PTPRD: variants seen among roughly 807,000 people sequenced by gnomAD.
PTPRD encodes the protein protein tyrosine phosphatase receptor type D.
Under a neutral mutation model 214.5 loss-of-function variants are expected in PTPRD, and 34 were observed. The ratio of observed to expected loss-of-function variants is 0.16; its 90% CI spans 0.12 to 0.21. The LOEUF is 0.21. Ranked by LOEUF, PTPRD falls within the 10% of genes least tolerant of loss-of-function variation. PTPRD has a pLI of 1.00. For missense variants in PTPRD, 2,545 were observed against 2,398.7 expected (o/e 1.06, Z -1.27); for synonymous variants, 1,128 against 845.7 (o/e 1.33, Z -5.79).
chr9:10,010,594 T>C (rs1363349503), intron 4 of PTPRD, among the ~76,000 whole-genome samples: 1 of 151,800 alleles, frequency 6.6e-6, no homozygotes, highest in Non-Finnish European at 1.5e-5. Flanking sequence ...CTCAGGCAAG[T>C]TGTATACTCA....
chr9:8,585,701 A>G (rs1191720274), intron 14 of PTPRD, among the ~76,000 whole-genome samples: 2 of 152,200 alleles, frequency 1.3e-5, no homozygotes, highest in African/African-American at 4.8e-5. Flanking sequence ...AACTATATGA[A>G]TGTCTGCCAT....
At chr9:8,942,810 T>A (rs180732957) in intron 11 of PTPRD, among the ~76,000 whole-genome samples, 60 of 152,046 alleles carry the variant, frequency 3.9e-4, no homozygotes, top group African/African-American at 1.2e-3. Context: ...CACAATTTTT[T>A]AAAAAAAATT....
At chr9:10,444,942 A>C (rs2098788507) in intron 2 of PTPRD, among the ~76,000 whole-genome samples, 1 of 152,020 alleles carries the variant, frequency 6.6e-6, no homozygotes, top group South Asian at 2.1e-4. Context: ...ATGTATACAG[A>C]AGAACAATAC....
At chr9:8,563,700 C>T (rs1185822365) in intron 14 of PTPRD, among the ~76,000 whole-genome samples, 1 of 152,086 alleles carries the variant, frequency 6.6e-6, no homozygotes, top group Admixed American at 6.6e-5. Context: ...CTCCCTCTGT[C>T]ACCCAGGCTG....
chr9:10,363,175 G>GT (rs1381903385), intron 2 of PTPRD, among the ~76,000 whole-genome samples: 1 of 152,066 alleles, frequency 6.6e-6, no homozygotes, highest in African/African-American at 2.4e-5. Context: ...TGTGAATCTT[G>GT]TTAAAATGCA....
intron 8 of PTPRD, among the ~76,000 whole-genome samples, chr9:9,418,991 A>C (rs1157848493): frequency 6.6e-6 from 1 of 151,752 alleles, no homozygotes; most frequent in African/African-American, 2.4e-5. Context: ...TAAGCAATAA[A>C]TGATCATCAG....
rs145818321 is a variant in PTPRD, at chr9:9,401,472, C to T, written c.-236-3990G>A. Among the ~76,000 whole-genome samples, 233 of 151,952 alleles carry T rather than the reference C, an allele frequency of 1.5e-3. 3 individuals are homozygous for T. Among genetic ancestry groups the T allele is most frequent in the East Asian group, 3.7e-3 (19 of 5,132 alleles). ...TGAAGTGGCAAAAGGTGAATGGTAA[C>T]GGGGAAAGGAACTGAGTATGAAGGG... is the stretch of plus-strand genomic sequence containing the variant. On this transcript the variant is annotated intron_variant, in intron 8 of 45. Transcript: ENST00000381196.
At chr9:8,324,548 C>G (rs1015148528) in intron 44 of PTPRD, among the ~76,000 whole-genome samples, 6 of 152,100 alleles carry the variant, frequency 3.9e-5, no homozygotes, top group African/African-American at 1.4e-4. Flanking sequence ...GTGAATAGTG[C>G]CACAATAAAC....
intron 10 of PTPRD, among the ~76,000 whole-genome samples, chr9:9,161,472 T>A (rs1214924312): frequency 6.6e-6 from 1 of 152,140 alleles, no homozygotes; most frequent in Non-Finnish European, 1.5e-5. Context: ...GAAAGTGTGG[T>A]CTCATTTGGG....
intron 5 of PTPRD, among the ~76,000 whole-genome samples, chr9:9,809,025 G>C (rs1035898752): frequency 1.3e-5 from 2 of 150,754 alleles, no homozygotes; most frequent in African/African-American, 4.9e-5. Context: ...GCCTCAACTG[G>C]CCCTCCCACC....
chr9:8,657,302 G>A (rs1272110682), intron 12 of PTPRD, among the ~76,000 whole-genome samples: 1 of 151,632 alleles, frequency 6.6e-6, no homozygotes, highest in Non-Finnish European at 1.5e-5. Flanking sequence ...TGAGTAGCTG[G>A]AATTACAGGC....
intron 12 of PTPRD, among the ~76,000 whole-genome samples, chr9:8,641,660 T>G (rs1265725569): frequency 7.5e-6 from 1 of 133,316 alleles, no homozygotes; most frequent in Non-Finnish European, 1.5e-5. Context: ...CTTGCCATTT[T>G]CAAAGACTGT....
At chr9:10,057,704 C>A (rs1297492211) in intron 3 of PTPRD, among the ~76,000 whole-genome samples, 1 of 151,614 alleles carries the variant, frequency 6.6e-6, no homozygotes, top group Admixed American at 6.6e-5. Context: ...ATTAGCTGGG[C>A]GTGGTGCACG....
At chr9:8,876,582 T>A (rs1254145055) in intron 11 of PTPRD, among the ~76,000 whole-genome samples, 2 of 152,206 alleles carry the variant, frequency 1.3e-5, no homozygotes, top group Non-Finnish European at 2.9e-5. Flanking sequence ...TTTCATTATT[T>A]GCTCCTGGCA....
chr9:8,697,969 C>G (rs982149167), intron 12 of PTPRD, among the ~76,000 whole-genome samples: 8 of 152,166 alleles, frequency 5.3e-5, no homozygotes, highest in African/African-American at 1.9e-4. Context: ...ATGGGAGGCT[C>G]TAAACTTCTG....
chr9:10,293,736 T>C (rs992392799), intron 3 of PTPRD, among the ~76,000 whole-genome samples: 4 of 151,948 alleles, frequency 2.6e-5, no homozygotes. Flanking sequence ...CTTGGGGATG[T>C]TTTGAGATGT....
chr9:9,900,641 G>GTTTTTTTTTTTTTTTTTTTTTTTT (rs1555302230), intron 5 of PTPRD, among the ~76,000 whole-genome samples: 4 of 120,100 alleles, frequency 3.3e-5, no homozygotes, highest in African/African-American at 9.3e-5. Flanking sequence ...ACATTTTCAG[G>GTTTTTTTTTTTTTTTTTTTTTTTT]TTTTTTTTTT....
chr9:10,072,787 T>C (rs537262611), intron 3 of PTPRD, among the ~76,000 whole-genome samples: 1 of 152,212 alleles, frequency 6.6e-6, no homozygotes, highest in East Asian at 1.9e-4. Flanking sequence ...GTTGTGTAGT[T>C]TTCTGCAAAG....
chr9:8,775,555 A>T (rs1235542950), intron 11 of PTPRD, among the ~76,000 whole-genome samples: 2 of 147,550 alleles, frequency 1.4e-5, no homozygotes, highest in Non-Finnish European at 3.0e-5. Flanking sequence ...AGTCACATGT[A>T]CTTTCTATTA....
Sources: allele counts gnomAD v4.1 joint callset (sites outside exome capture counted in the v4.1 genomes callset), GRCh38; gene constraint gnomAD v4.1.1; transcripts MANE v1.5; gene names NCBI Gene and HGNC (gene_info 2026-07-23, HGNC 2026-07-21).